The following SLC22A23 variants were observed in gnomAD, a reference collection of about 807,000 sequenced individuals.
SLC22A23 encodes the protein solute carrier family 22 member 23, also known as ion transporter protein.
SLC22A23 carries 26 observed loss-of-function variants against 61.0 expected under a neutral mutation model. The ratio of observed to expected loss-of-function variants is 0.43; its 90% confidence interval spans 0.31 to 0.59. SLC22A23 has a LOEUF of 0.59. Among genes scored for constraint, SLC22A23 ranks in the 20% least tolerant of loss-of-function variants. The pLI is 0.11. For missense variants in SLC22A23, 796 were observed against 934.7 expected, an observed-to-expected ratio of 0.85 and a Z score of 1.94; for synonymous variants, 430 against 413.9, an observed-to-expected ratio of 1.04 and a Z score of -0.47.
Position 3,276,623 on chromosome 6 carries a change from C to G in SLC22A23, c.1704-3211G>C, listed in dbSNP as rs568263894. The G allele has an allele frequency of 5.9e-5, 9 of 152,564 alleles. No individual in the cohort carries two copies. The Middle Eastern group carries it at 0.01, about 171-fold the overall frequency. The allele number at this position is 152,564 out of a possible 1,614,324, so 9.5% of individuals were successfully genotyped here. A position where few individuals can be genotyped will look rare whatever the true frequency, so the allele number is the denominator to read the frequency against. On this transcript the variant is annotated intron_variant, in intron 9 of 9. Transcript: ENST00000406686. ...TGGCACCGGGGTCCCTCAGCTCTGT[C>G]TGGTGCTCGCTCTGTGAGGTTGGCC...
intron 3 of SLC22A23, among the ~76,000 whole-genome samples, chr6:3,408,839 CCT>C (rs1381015475): frequency 2.0e-5 from 3 of 152,222 alleles, no homozygotes; most frequent in African/African-American, 4.8e-5. Context: ...CTGCCCTCCC[CCT>C]GTGAGAATGG....
chr6:3,397,048 C>T (rs1768057977), intron 3 of SLC22A23, among the ~76,000 whole-genome samples: 1 of 152,190 alleles, frequency 6.6e-6, no homozygotes, highest in South Asian at 2.1e-4. Flanking sequence ...AAACATTCAC[C>T]CATAGACGCT....
intron 3 of SLC22A23, among the ~76,000 whole-genome samples, chr6:3,361,595 AG>A (rs1351624063): frequency 6.6e-6 from 1 of 152,204 alleles, no homozygotes; most frequent in East Asian, 1.9e-4. Flanking sequence ...AGCTTTACAG[AG>A]GACAAGGGGC....
At chr6:3,451,119 A>T (rs575153071) in intron 1 of SLC22A23, among the ~76,000 whole-genome samples, 1 of 152,380 alleles carries the variant, frequency 6.6e-6, no homozygotes, top group East Asian at 1.9e-4. Context: ...TATTGGCAAA[A>T]GTTCTAGAGA....
chr6:3,312,430 G>T (rs1762414742), intron 4 of SLC22A23: 1 of 152,182 alleles, frequency 6.6e-6, no homozygotes, highest in East Asian at 1.9e-4. Context: ...AACAGTGTGA[G>T]GAGGTAAGTA....
chr6:3,317,034 A>G lies in SLC22A23; in HGVS notation c.1082+6800T>C, dbSNP rs1005690670. On this transcript the variant is annotated intron_variant, in intron 4 of 9. Transcript: ENST00000406686. The surrounding 1 kb of genome is among the most constrained non-coding windows in gnomAD (Gnocchi z 4.4). ...GCGCTCACATCTCCACTATCTCCAG[A>G]AGTCCTTACTCCCTGTGACTTCTTC... Among the ~76,000 whole-genome samples the G allele has an allele frequency of 6.6e-6, 1 of 152,196 alleles. No individual in the cohort carries two copies. Among genetic ancestry groups the G allele is most frequent in the African/African-American group, 2.4e-5 (1 of 41,446 alleles).
chr6:3,296,087 G>A (rs1761061138), intron 5 of SLC22A23, among the ~76,000 whole-genome samples: 1 of 152,124 alleles, frequency 6.6e-6, no homozygotes, highest in Admixed American at 6.5e-5. Flanking sequence ...GAAAGAAGCA[G>A]AGTGTGATGA....
chr6:3,451,240 C>T (rs554461648), intron 1 of SLC22A23, among the ~76,000 whole-genome samples: 61 of 152,356 alleles, frequency 4.0e-4, no homozygotes, highest in Admixed American at 7.2e-4. Context: ...CTCTGTCGCC[C>T]GGACTGGAGT....
chr6:3,287,517 G>A (rs573270166), intron 6 of SLC22A23, among the ~76,000 whole-genome samples: 150 of 152,222 alleles, frequency 9.9e-4, no homozygotes, highest in Non-Finnish European at 1.6e-3. Context: ...CGAGGCTCTC[G>A]GCGGGTAAGC....
At chr6:3,321,089 C>T (rs1762919464) in intron 4 of SLC22A23, among the ~76,000 whole-genome samples, 1 of 144,314 alleles carries the variant, frequency 6.9e-6, no homozygotes. Context: ...CAGGGTCACA[C>T]AGCTACTAAG....
chr6:3,382,959 A>G (rs1158393267), intron 3 of SLC22A23, among the ~76,000 whole-genome samples: 1 of 152,270 alleles, frequency 6.6e-6, no homozygotes, highest in Non-Finnish European at 1.5e-5. Context: ...TTCATTTAAC[A>G]AACATTTTCT....
At chr6:3,287,224 T>C (rs1760102711) in intron 6 of SLC22A23, 133 bp from the exon 7 acceptor site, 2 of 766,778 alleles carry the variant, frequency 2.6e-6, no homozygotes, top group African/African-American at 3.5e-5. Flanking sequence ...AAGCCCATCA[T>C]GACCGAACCA....
chr6:3,419,956 C>A (rs781565312), intron 1 of SLC22A23, among the ~76,000 whole-genome samples: 9 of 152,198 alleles, frequency 5.9e-5, no homozygotes, highest in Non-Finnish European at 8.8e-5. Context: ...TAACTCTAAC[C>A]TCCCTCAAAT....
Position 3,374,685 on chromosome 6 carries a change from G to A in SLC22A23, c.913+35503C>T, listed in dbSNP as rs578135612. Reference sequence around the variant, plus strand: ...AGATGAATCTGGGGGCAGAAGAGAGGGATGGCTTAGCTGGGCCGAAGCCCT... The same window carrying A: ...AGATGAATCTGGGGGCAGAAGAGAGAGATGGCTTAGCTGGGCCGAAGCCCT... On this transcript the variant is annotated intron_variant, in intron 3 of 9. Coordinates refer to ENST00000406686, the MANE Select transcript of SLC22A23 (RefSeq NM_015482.2). 6.6e-5 allele frequency among the ~76,000 whole-genome samples: 10 copies of A among 152,302 alleles called. No individual in the cohort carries two copies. In the East Asian group the frequency reaches 1.9e-3, roughly 29 times the overall value.
At chr6:3,356,261 G>T (rs972268005) in intron 3 of SLC22A23, among the ~76,000 whole-genome samples, 2 of 151,204 alleles carry the variant, frequency 1.3e-5, no homozygotes, top group Non-Finnish European at 2.9e-5. Context: ...CAGCCCTTGG[G>T]ATCTGGACTT....
intron 1 of SLC22A23, among the ~76,000 whole-genome samples, chr6:3,419,103 C>T (rs6936807): frequency 0.95 from 144,442 of 152,244 alleles, 68,640 homozygotes; most frequent in Middle Eastern, 0.98. Flanking sequence ...CAATTTATAA[C>T]TTTTCAGATT....
chr6:3,321,224 T>C (rs1762928184), intron 4 of SLC22A23, among the ~76,000 whole-genome samples: 1 of 152,234 alleles, frequency 6.6e-6, no homozygotes, highest in South Asian at 2.1e-4. Context: ...GACCCACTTT[T>C]TACAGACATG....
chr6:3,315,474 T>A (rs2127387725), intron 4 of SLC22A23, among the ~76,000 whole-genome samples: 1 of 152,344 alleles, frequency 6.6e-6, no homozygotes, highest in Middle Eastern at 3.4e-3. Context: ...TCTGTTCACA[T>A]CGTGGAACTG....
chr6:3,273,031 G>A lies in SLC22A23; in HGVS notation c.*24C>T. The A allele has an allele frequency of 1.3e-6, 2 of 1,513,768 alleles. No individual in the cohort carries two copies. The highest frequency in any genetic ancestry group is 1.3e-5 in the South Asian group (1 of 78,036). 93.8% of individuals were successfully genotyped at this position (1,513,768 alleles called of 1,614,324 possible). ...TGTGCCCAAGCTGCCCCAGACCCTG[G>A]AGCCCCGGGTTCCGCAGGCCGGGCT... On this transcript the variant is annotated 3_prime_UTR_variant, in exon 10 of 10. Coordinates refer to ENST00000406686, the MANE Select transcript of SLC22A23 (RefSeq NM_015482.2).
Sources: allele counts gnomAD v4.1 joint callset (sites outside exome capture counted in the v4.1 genomes callset), GRCh38; gene constraint gnomAD v4.1.1; non-coding constraint Gnocchi (gnomAD v3.1); transcripts MANE v1.5; gene names NCBI Gene and HGNC (gene_info 2026-07-23, HGNC 2026-07-21).